PRKCB: variants seen among roughly 807,000 people sequenced by gnomAD.
PRKCB encodes protein kinase C beta.
A neutral mutation model predicts 81.5 loss-of-function variants in PRKCB; 13 were observed. That is an observed-to-expected ratio of 0.16 (90% CI 0.10 to 0.25). The LOEUF (loss-of-function observed/expected upper bound fraction) is 0.25, where lower values mean the gene tolerates loss of function less well. PRKCB is among the 10% of genes least tolerant of loss of function. The pLI, the probability that PRKCB is intolerant of heterozygous loss-of-function variation, is 1.00. For missense variants in PRKCB, 509 were observed against 875.7 expected, an observed-to-expected ratio of 0.58 and a Z score of 5.29; for synonymous variants, 335 against 321.4, an observed-to-expected ratio of 1.04 and a Z score of -0.45.
intron 10 of PRKCB, among the ~76,000 whole-genome samples, chr16:24,167,939 C>G (rs1233924165): frequency 6.6e-6 from 1 of 152,172 alleles, no homozygotes; most frequent in African/African-American, 2.4e-5. Flanking sequence ...TGTAGAGGGA[C>G]AAGTGAGACA....
chr16:24,214,317 C>A (rs542217198), intron 16 of PRKCB, among the ~76,000 whole-genome samples: 11 of 152,074 alleles, frequency 7.2e-5, no homozygotes, highest in Admixed American at 4.6e-4. Context: ...ATGAGCTTGG[C>A]TGACTTCTCG....
chr16:24,211,634 C>T (rs936165125), intron 16 of PRKCB, among the ~76,000 whole-genome samples: 1 of 150,922 alleles, frequency 6.6e-6, no homozygotes, highest in South Asian at 2.1e-4. Flanking sequence ...TCTCAGCTCA[C>T]TGTAACCTCT....
At chr16:23,849,116 C>A (rs1962428161) in intron 2 of PRKCB, among the ~76,000 whole-genome samples, 1 of 152,224 alleles carries the variant, frequency 6.6e-6, no homozygotes, top group South Asian at 2.1e-4. Flanking sequence ...TCCTGGCCTG[C>A]AACACTTTAA....
chr16:23,880,939 C>T (rs1963096523), intron 2 of PRKCB, among the ~76,000 whole-genome samples: 2 of 151,988 alleles, frequency 1.3e-5, no homozygotes, highest in Non-Finnish European at 2.9e-5. Flanking sequence ...GTTCTGTAGT[C>T]TCCACTGCTT....
rs1405456160 is a variant in PRKCB at position 23,837,382 on chromosome 16, G to A, written c.181G>A (p.Gly61Arg). Residue 61 changes from glycine to arginine, a missense_variant, in exon 2 of 17, where the codon GGG (glycine) becomes AGG (arginine). Around this residue, in one of 6 missense-constraint regions of PRKCB, gnomAD observed 184 missense variants for 362.9 expected, o/e 0.51. Coordinates refer to ENST00000643927, the MANE Select transcript of PRKCB (RefSeq NM_002738.7). ...SHCTDFIWGF[G>R]KQGFQCQVCC... ...CTCCTTCTGCTTTTGCAGGGGCTTC[G>A]GGAAGCAGGGATTCCAGTGCCAAGG... 1.2e-6 allele frequency: 2 copies of A among 1,613,314 alleles called. No homozygotes were observed. The highest frequency in any genetic ancestry group is 1.7e-6 in the Non-Finnish European group (2 of 1,179,648).
chr16:24,130,665 A>G (rs1280421664), intron 9 of PRKCB, among the ~76,000 whole-genome samples: 1 of 152,256 alleles, frequency 6.6e-6, no homozygotes, highest in Non-Finnish European at 1.5e-5. Flanking sequence ...CTCTCTCCAT[A>G]TGGTGATTGG....
At chr16:23,975,748 A>G (rs927496109) in intron 2 of PRKCB, among the ~76,000 whole-genome samples, 4 of 152,208 alleles carry the variant, frequency 2.6e-5, no homozygotes, top group African/African-American at 4.8e-5. Context: ...AATAATAATA[A>G]TAAAGGCTTA....
At chr16:24,092,727 G>A (rs1212789651) in intron 5 of PRKCB, 64 bp from the exon 6 acceptor site, 6 of 1,476,692 alleles carry the variant, frequency 4.1e-6, no homozygotes, top group South Asian at 1.3e-5. Flanking sequence ...TTCTGCAGCT[G>A]TCACTGCTTG....
chr16:23,994,440 G>A (rs1402594941), intron 3 of PRKCB, among the ~76,000 whole-genome samples: 1 of 152,206 alleles, frequency 6.6e-6, no homozygotes, highest in African/African-American at 2.4e-5. Flanking sequence ...GAAGCCAAGA[G>A]GAAGCCATTA....
intron 2 of PRKCB, among the ~76,000 whole-genome samples, chr16:23,853,644 C>G (rs1386240801): frequency 6.6e-6 from 1 of 152,158 alleles, no homozygotes; most frequent in Non-Finnish European, 1.5e-5. Context: ...ACTGGTAAAA[C>G]TAAGATGCAA....
At chr16:24,074,337 G>A (rs1407183112) in intron 5 of PRKCB, among the ~76,000 whole-genome samples, 2 of 152,088 alleles carry the variant, frequency 1.3e-5, no homozygotes, top group Non-Finnish European at 2.9e-5. Context: ...TTCAAATCCC[G>A]CTCTACTGTT....
chr16:23,958,901 T>A lies in PRKCB; in HGVS notation c.206-29607T>A, dbSNP rs552585565. ...CTTCAAGGTAACAGCGTAGTGGTGG[T>A]TCCGAGCCAGATGCCAGACCCAGTC... On this transcript the variant is annotated intron_variant, in intron 2 of 16. Transcript: ENST00000643927. 3.3e-5 allele frequency among the ~76,000 whole-genome samples: 5 copies of A among 152,240 alleles called. No homozygotes were observed. The East Asian group carries it at 9.7e-4, about 29-fold the overall frequency.
At chr16:23,866,835 A>G (rs1812260602) in intron 2 of PRKCB, among the ~76,000 whole-genome samples, 1 of 152,120 alleles carries the variant, frequency 6.6e-6, no homozygotes, top group Non-Finnish European at 1.5e-5. Context: ...CCAGACCATG[A>G]TATTATCAGG....
At chr16:23,929,868 G>A (rs1963947076) in intron 2 of PRKCB, among the ~76,000 whole-genome samples, 1 of 152,022 alleles carries the variant, frequency 6.6e-6, no homozygotes, top group Admixed American at 6.6e-5. Flanking sequence ...AAAGTAGAAG[G>A]AGAAGATTTT....
At chr16:23,936,288 GGCAGAA>G (rs1204274369) in intron 2 of PRKCB, among the ~76,000 whole-genome samples, 3 of 151,828 alleles carry the variant, frequency 2.0e-5, no homozygotes, top group Non-Finnish European at 4.4e-5. Context: ...CTCAGTGACT[GGCAGAA>G]GCTCACATGG....
intron 2 of PRKCB, among the ~76,000 whole-genome samples, chr16:23,865,943 C>T (rs1567294623): frequency 6.6e-6 from 1 of 152,108 alleles, no homozygotes; most frequent in Non-Finnish European, 1.5e-5. Flanking sequence ...TTCAGAACCC[C>T]TTCCTGGTCA....
chr16:24,214,908 TC>T lies in PRKCB; in HGVS notation c.*94del. The T allele has an allele frequency of 6.4e-7, 1 of 1,555,858 alleles. No homozygotes were observed. The highest frequency in any genetic ancestry group is 8.7e-7 in the Non-Finnish European group (1 of 1,154,246). On this transcript the variant is annotated 3_prime_UTR_variant, in exon 17 of 17. Transcript: ENST00000643927. ...TTATGTTTTTCATTGCCAAGTTGCATCCATGTTTGATTTTCTGATGAGACTA... is the reference window on the plus strand; with the variant it reads ...TTATGTTTTTCATTGCCAAGTTGCATCATGTTTGATTTTCTGATGAGACTA...
At chr16:23,909,970 C>T (rs1392252618) in intron 2 of PRKCB, among the ~76,000 whole-genome samples, 1 of 152,166 alleles carries the variant, frequency 6.6e-6, no homozygotes, top group Non-Finnish European at 1.5e-5. Flanking sequence ...GGGGGTTAGG[C>T]TTCAACCAAT....
chr16:24,116,088 C>G (rs557274673), intron 8 of PRKCB, among the ~76,000 whole-genome samples: 3 of 152,172 alleles, frequency 2.0e-5, no homozygotes, highest in African/African-American at 4.8e-5. Flanking sequence ...TTGGTTGCCT[C>G]TGTTTGGTTA....
Sources: allele counts gnomAD v4.1 joint callset (sites outside exome capture counted in the v4.1 genomes callset), GRCh38; gene constraint gnomAD v4.1.1; regional missense constraint gnomAD v4.1.1; transcripts MANE v1.5; gene names NCBI Gene and HGNC (gene_info 2026-07-23, HGNC 2026-07-21).